Variants in TADA2A observed in about 807,000 individuals in gnomAD.
The protein encoded by TADA2A is transcriptional adapter 2-alpha.
In TADA2A, 38 loss-of-function variants were observed where a neutral mutation model predicts 67.4. The ratio of observed to expected loss-of-function variants is 0.56; its 90% CI spans 0.44 to 0.74. The LOEUF (loss-of-function observed/expected upper bound fraction) is 0.74, where lower values mean the gene tolerates loss of function less well. TADA2A is among the 30% of genes least tolerant of loss of function. TADA2A has a pLI of 0.00. For missense variants in TADA2A, 454 were observed against 547.0 expected (o/e 0.83, Z 1.70); for synonymous variants, 192 against 181.6 (o/e 1.06, Z -0.46).
chr17:37,426,252 CAA>C (rs2052401548), intron 3 of TADA2A: 1 of 152,162 alleles, frequency 6.6e-6, no homozygotes, highest in Non-Finnish European at 1.5e-5. Context: ...ATGCTCTCCT[CAA>C]AGAGTTGTCT....
At position 37,448,641 on chromosome 17, in the gene TADA2A, T is replaced by A. The variant is rs537430972; in HGVS notation, c.604+3873T>A. Among the ~76,000 whole-genome samples, 6 of 152,298 alleles carry A rather than the reference T, an allele frequency of 3.9e-5. No homozygotes were observed. The East Asian group carries it at 1.2e-3, about 29-fold the overall frequency. Reference sequence around the variant, plus strand: ...CTTCCTAAATTTTTAGAGTACTCTTTCCCTGAGTTTCTCAGGATCCTAAAG... The same window carrying A: ...CTTCCTAAATTTTTAGAGTACTCTTACCCTGAGTTTCTCAGGATCCTAAAG... On this transcript the variant is annotated intron_variant, in intron 8 of 15. Coordinates refer to ENST00000615182, the MANE Select transcript of TADA2A (RefSeq NM_001166105.3).
chr17:37,440,975 A>G (rs1186275908), intron 6 of TADA2A, among the ~76,000 whole-genome samples: 1 of 152,110 alleles, frequency 6.6e-6, no homozygotes, highest in Non-Finnish European at 1.5e-5. Flanking sequence ...GACACCTGTA[A>G]TCCCAGCTAC....
chr17:37,427,258 T>C (rs1193489268), intron 4 of TADA2A, among the ~76,000 whole-genome samples: 1 of 152,222 alleles, frequency 6.6e-6, no homozygotes, highest in African/African-American at 2.4e-5. Context: ...GATTTTTGTT[T>C]GAAATTTGGA....
intron 9 of TADA2A, among the ~76,000 whole-genome samples, chr17:37,461,037 G>A (rs1040025652): frequency 1.3e-5 from 2 of 152,104 alleles, no homozygotes; most frequent in Admixed American, 6.6e-5. Context: ...ATCTAAAGCA[G>A]CAGTCCTCAA....
chr17:37,452,088 A>G (rs535530628), intron 8 of TADA2A, among the ~76,000 whole-genome samples: 41 of 152,258 alleles, frequency 2.7e-4, no homozygotes, highest in Non-Finnish European at 4.0e-4. Flanking sequence ...CTGAGTAGAT[A>G]AATGAGATAA....
At chr17:37,463,973 C>CT (rs1168512957) in intron 10 of TADA2A, among the ~76,000 whole-genome samples, 1 of 151,252 alleles carries the variant, frequency 6.6e-6, no homozygotes, top group African/African-American at 2.4e-5. Context: ...AAAAGGTAAG[C>CT]TAGGAAAAAA....
intron 12 of TADA2A, 152 bp from the exon 13 acceptor site, chr17:37,470,248 C>T: frequency 1.3e-6 from 1 of 760,632 alleles, no homozygotes; most frequent in African/African-American, 1.8e-5. Flanking sequence ...TAGGGAAAAT[C>T]TACTTGGGTC....
chr17:37,411,449 C>A, intron 2 of TADA2A, 59 bp downstream of exon 2: 1 of 1,487,832 alleles, frequency 6.7e-7, no homozygotes, highest in Non-Finnish European at 9.4e-7. Context: ...TTGAGATGGA[C>A]TCTCCCTCTG....
chr17:37,410,668 C>T (rs1410040093), intron 1 of TADA2A, among the ~76,000 whole-genome samples: 1 of 152,160 alleles, frequency 6.6e-6, no homozygotes, highest in Non-Finnish European at 1.5e-5. Context: ...ACAGCCAGAG[C>T]ACATGGACTG....
chr17:37,465,852 T>A (rs2053654093), intron 11 of TADA2A, among the ~76,000 whole-genome samples: 1 of 152,214 alleles, frequency 6.6e-6, no homozygotes, highest in Non-Finnish European at 1.5e-5. Context: ...CGTGTATCCA[T>A]CATCCAGCTT....
chr17:37,423,109 T>C (rs2052295794), intron 2 of TADA2A, among the ~76,000 whole-genome samples: 1 of 152,150 alleles, frequency 6.6e-6, no homozygotes, highest in Admixed American at 6.6e-5. Flanking sequence ...CATGTGCCTG[T>C]AGTCCTAACT....
rs1403199969 is a variant in TADA2A, at chr17:37,474,689, C to T, written c.1146+60C>T. The stretch of plus-strand genomic sequence containing the variant: ...AGGGGCTGATTATTCATTGAGTTGT[C>T]ATTAAAAATCCATTACAGGGTCAAA... On this transcript the variant is annotated intron_variant, in intron 15 of 15. Coordinates refer to ENST00000615182, the MANE Select transcript of TADA2A (RefSeq NM_001166105.3). 3 of 1,529,962 alleles carry T rather than the reference C, an allele frequency of 2.0e-6. No individual in the cohort carries two copies. In the African/African-American group the frequency reaches 4.1e-5, roughly 21 times the overall value. 94.8% of individuals were successfully genotyped at this position (1,529,962 alleles called of 1,614,324 possible).
chr17:37,467,212 G>C (rs753271011), intron 11 of TADA2A, among the ~76,000 whole-genome samples: 4 of 152,154 alleles, frequency 2.6e-5, no homozygotes, highest in Non-Finnish European at 4.4e-5. Flanking sequence ...ATTTCACTAA[G>C]TTTTCTAGAA....
chr17:37,472,320 C>A (rs748635519), intron 14 of TADA2A, among the ~76,000 whole-genome samples: 1 of 151,932 alleles, frequency 6.6e-6, no homozygotes, highest in Non-Finnish European at 1.5e-5. Context: ...CCTGCCTCGG[C>A]CTCCCAAAGT....
intron 12 of TADA2A, among the ~76,000 whole-genome samples, chr17:37,469,483 A>C (rs1050545915): frequency 1.1e-4 from 17 of 151,774 alleles, no homozygotes; most frequent in Non-Finnish European, 2.4e-4. Context: ...AAAATACAAA[A>C]TTAGCTGGGC....
intron 2 of TADA2A, among the ~76,000 whole-genome samples, chr17:37,417,593 G>A (rs2052091891): frequency 6.6e-6 from 1 of 151,724 alleles, no homozygotes. Flanking sequence ...AGAGTGCAGT[G>A]GCATGATCTC....
chr17:37,473,127 A>ATTTTTTTTT (rs1020173351), intron 14 of TADA2A, among the ~76,000 whole-genome samples: 1 of 85,676 alleles, frequency 1.2e-5, no homozygotes, highest in Non-Finnish European at 2.2e-5. Context: ...ACCTGGAGAA[A>ATTTTTTTTT]TTTTTTTTTT....
intron 2 of TADA2A, 92 bp from the exon 3 acceptor site, chr17:37,423,417 A>G (rs1352833767): frequency 2.1e-6 from 2 of 972,950 alleles, no homozygotes; most frequent in South Asian, 1.6e-5. Context: ...TTAGCTCACT[A>G]CTTGTGTGGT....
intron 9 of TADA2A, among the ~76,000 whole-genome samples, chr17:37,458,905 T>C (rs2053474886): frequency 6.6e-6 from 1 of 151,992 alleles, no homozygotes; most frequent in Admixed American, 6.6e-5. Flanking sequence ...CTCAAACTCC[T>C]GGACTTAAGT....
Sources: gnomAD v4.1 joint callset for allele counts (sites outside exome capture counted in the v4.1 genomes callset) on GRCh38, gnomAD v4.1.1 for gene constraint, MANE v1.5 for transcripts, NCBI Gene and HGNC (gene_info 2026-07-23, HGNC 2026-07-21) for gene names.